Variants in BMPR1B observed in about 807,000 individuals in gnomAD.
BMPR1B encodes the protein bone morphogenetic protein receptor type 1B.
BMPR1B carries 12 observed loss-of-function variants against 59.1 expected under a neutral mutation model. That is an observed-to-expected ratio of 0.20 (90% CI 0.13 to 0.33). BMPR1B has a LOEUF of 0.33. Ranked by LOEUF, BMPR1B falls within the 10% of genes least tolerant of loss-of-function variation. The pLI, the probability that BMPR1B is intolerant of heterozygous loss-of-function variation, is 1.00. For missense variants in BMPR1B, 550 were observed against 610.9 expected (o/e 0.90, Z 1.05); for synonymous variants, 237 against 207.3 (o/e 1.14, Z -1.23).
At chr4:94,960,221 A>T (rs1352398428) in intron 2 of BMPR1B, among the ~76,000 whole-genome samples, 3 of 152,182 alleles carry the variant, frequency 2.0e-5, no homozygotes, top group South Asian at 2.1e-4. Context: ...TCCTATCTGT[A>T]TAACCAGTGC....
intron 2 of BMPR1B, among the ~76,000 whole-genome samples, chr4:94,878,746 T>C (rs1726839608): frequency 6.6e-6 from 1 of 151,920 alleles, no homozygotes; most frequent in Non-Finnish European, 1.5e-5. Flanking sequence ...TTTTTTTTTT[T>C]TTTTTTACTT....
intron 2 of BMPR1B, among the ~76,000 whole-genome samples, chr4:94,951,284 C>A (rs1357052888): frequency 1.3e-5 from 2 of 152,168 alleles, no homozygotes; most frequent in Non-Finnish European, 2.9e-5. Flanking sequence ...TGCCTGATTG[C>A]CCTGGCCAGA....
At chr4:94,825,051 T>A (rs1724334610) in intron 1 of BMPR1B, among the ~76,000 whole-genome samples, 1 of 152,192 alleles carries the variant, frequency 6.6e-6, no homozygotes, top group African/African-American at 2.4e-5. Flanking sequence ...TCATGTAGTT[T>A]TGATGCCAGA....
chr4:95,048,567 T>G (rs1726209996), intron 3 of BMPR1B, among the ~76,000 whole-genome samples: 1 of 152,218 alleles, frequency 6.6e-6, no homozygotes, highest in Non-Finnish European at 1.5e-5. Flanking sequence ...GAACATTCTT[T>G]TCATGTGTTT....
chr4:94,898,385 C>A (rs1244602197), intron 2 of BMPR1B, among the ~76,000 whole-genome samples: 19 of 152,052 alleles, frequency 1.2e-4, no homozygotes, highest in Non-Finnish European at 2.9e-5. Flanking sequence ...AATTGTAGTT[C>A]CCATAATCGT....
chr4:94,983,824 G>T (rs972263252), intron 2 of BMPR1B, among the ~76,000 whole-genome samples: 3 of 152,194 alleles, frequency 2.0e-5, no homozygotes, highest in African/African-American at 7.2e-5. Context: ...TTGCCGTATT[G>T]TAATTGTAGT....
chr4:94,858,062 C>T (rs554998831), intron 1 of BMPR1B, among the ~76,000 whole-genome samples: 339 of 152,136 alleles, frequency 2.2e-3, no homozygotes, highest in African/African-American at 7.6e-3. Context: ...TCTCCTGCCT[C>T]AGTCTCCCGA....
At chr4:95,063,623 T>C (rs150077890) in intron 3 of BMPR1B, among the ~76,000 whole-genome samples, 175 of 152,314 alleles carry the variant, frequency 1.1e-3, no homozygotes, top group African/African-American at 4.0e-3. Flanking sequence ...TATGACTTGA[T>C]ATTCAAAAAT....
chr4:94,830,164 T>C (rs1724524396), intron 1 of BMPR1B, among the ~76,000 whole-genome samples: 1 of 152,146 alleles, frequency 6.6e-6, no homozygotes, highest in African/African-American at 2.4e-5. Flanking sequence ...TAAATTTTCT[T>C]AGAGATAAAT....
At chr4:94,800,837 T>C (rs1444969139) in intron 1 of BMPR1B, among the ~76,000 whole-genome samples, 2 of 152,234 alleles carry the variant, frequency 1.3e-5, no homozygotes, top group Non-Finnish European at 2.9e-5. Context: ...ACTTTTGATT[T>C]GTGTGACAAA....
intron 8 of BMPR1B, among the ~76,000 whole-genome samples, chr4:95,126,192 CT>C (rs1732891697): frequency 6.6e-6 from 1 of 152,104 alleles, no homozygotes; most frequent in African/African-American, 2.4e-5. Flanking sequence ...GTTCTTGTGT[CT>C]TTTGGTGGAG....
chr4:94,934,452 G>GCTTTTT (rs1257149645), intron 2 of BMPR1B, among the ~76,000 whole-genome samples: 1 of 69,696 alleles, frequency 1.4e-5, no homozygotes, highest in African/African-American at 9.1e-5. Context: ...TCCCAGCTAT[G>GCTTTTT]GTTTTTTTTT....
intron 1 of BMPR1B, among the ~76,000 whole-genome samples, chr4:94,773,952 G>C (rs1226111970): frequency 6.6e-6 from 1 of 152,024 alleles, no homozygotes; most frequent in African/African-American, 2.4e-5. Flanking sequence ...ACACTGTTCT[G>C]TGATTGTTTA....
intron 2 of BMPR1B, among the ~76,000 whole-genome samples, chr4:94,901,276 G>T (rs1208790830): frequency 1.3e-5 from 2 of 151,962 alleles, no homozygotes; most frequent in Non-Finnish European, 2.9e-5. Context: ...ATATCAGAAT[G>T]CCTCACCTGT....
intron 4 of BMPR1B, among the ~76,000 whole-genome samples, chr4:95,109,377 GA>G (rs1250300681): frequency 1.3e-5 from 2 of 152,100 alleles, no homozygotes; most frequent in Non-Finnish European, 2.9e-5. Flanking sequence ...GTGGAAGAAG[GA>G]AAAGCTTAGG....
At chr4:94,802,017 T>A (rs1723427628) in intron 1 of BMPR1B, among the ~76,000 whole-genome samples, 1 of 152,364 alleles carries the variant, frequency 6.6e-6, no homozygotes. Flanking sequence ...ATAAATGAGT[T>A]GAATGTATAT....
intron 2 of BMPR1B, among the ~76,000 whole-genome samples, chr4:94,959,824 A>C (rs998493062): frequency 2.6e-5 from 4 of 152,134 alleles, no homozygotes; most frequent in African/African-American, 7.2e-5. Context: ...TTTTAGTTGC[A>C]ATTTGGTAAG....
chr4:94,826,204 AG>A (rs1724375865), intron 1 of BMPR1B, among the ~76,000 whole-genome samples: 1 of 152,236 alleles, frequency 6.6e-6, no homozygotes, highest in Non-Finnish European at 1.5e-5. Context: ...GTTCTTAAAT[AG>A]GGACTGCCTA....
At chr4:94,967,149 A>G (rs933994520) in intron 2 of BMPR1B, among the ~76,000 whole-genome samples, 11 of 152,194 alleles carry the variant, frequency 7.2e-5, no homozygotes, top group African/African-American at 1.2e-4. Flanking sequence ...AAATAAAACT[A>G]TGGAATTAAG....
Sources: gnomAD v4.1 joint callset for allele counts (sites outside exome capture counted in the v4.1 genomes callset) on GRCh38, gnomAD v4.1.1 for gene constraint, MANE v1.5 for transcripts, NCBI Gene and HGNC (gene_info 2026-07-23, HGNC 2026-07-21) for gene names.